The following CNBD1 variants were observed in gnomAD, a reference collection of about 807,000 sequenced individuals.
The protein encoded by CNBD1 is cyclic nucleotide binding domain containing 1, also known as cyclic nucleotide-binding domain-containing protein 1.
In CNBD1, 71 loss-of-function variants were observed where a neutral mutation model predicts 54.4. That is an observed-to-expected ratio of 1.30 (90% confidence interval 1.08 to 1.59). CNBD1 has a LOEUF of 1.59. Among genes scored for constraint, CNBD1 ranks in the 40% most tolerant of loss-of-function variants. The pLI is 0.00. For missense variants in CNBD1, 659 were observed against 518.0 expected (o/e 1.27, Z -2.64); for synonymous variants, 182 against 170.7 (o/e 1.07, Z -0.51).
chr8:87,237,558 T>A (rs1320889244), intron 6 of CNBD1, among the ~76,000 whole-genome samples: 2 of 152,138 alleles, frequency 1.3e-5, no homozygotes, highest in Non-Finnish European at 2.9e-5. Context: ...AATCAGAAAT[T>A]CTTAATTGAG....
chr8:87,021,135 A>C (rs1053080882), intron 4 of CNBD1, among the ~76,000 whole-genome samples: 5 of 152,204 alleles, frequency 3.3e-5, no homozygotes, highest in Admixed American at 6.5e-5. Flanking sequence ...ACATAAACCA[A>C]GCTGTAACCC....
intron 8 of CNBD1, among the ~76,000 whole-genome samples, chr8:87,300,634 G>T (rs1217400090): frequency 1.3e-5 from 2 of 152,036 alleles, no homozygotes; most frequent in East Asian, 3.9e-4. Flanking sequence ...AGACACAATG[G>T]ATAGTGCTTG....
intron 4 of CNBD1, among the ~76,000 whole-genome samples, chr8:87,194,230 T>C (rs1349483435): frequency 6.6e-6 from 1 of 152,156 alleles, no homozygotes; most frequent in African/African-American, 2.4e-5. Flanking sequence ...ACAGTTCTCT[T>C]GTTTTGAAAG....
At chr8:87,005,198 G>A (rs557850541) in intron 4 of CNBD1, among the ~76,000 whole-genome samples, 79 of 151,686 alleles carry the variant, frequency 5.2e-4, no homozygotes, top group Middle Eastern at 3.4e-3. Flanking sequence ...GGTGAAACCC[G>A]GTCTCTACTA....
At chr8:87,357,943 G>T (rs561867403) in intron 10 of CNBD1, among the ~76,000 whole-genome samples, 1 of 152,252 alleles carries the variant, frequency 6.6e-6, no homozygotes, top group African/African-American at 2.4e-5. Flanking sequence ...TGAGTGAGTT[G>T]TTTCTCTGTG....
chr8:87,032,159 G>A (rs968421842), intron 4 of CNBD1, among the ~76,000 whole-genome samples: 7 of 152,116 alleles, frequency 4.6e-5, no homozygotes, highest in Non-Finnish European at 8.8e-5. Flanking sequence ...TATGGATCTT[G>A]CCTAATCTAG....
chr8:86,961,412 G>A (rs1807926077), intron 4 of CNBD1, among the ~76,000 whole-genome samples: 1 of 152,216 alleles, frequency 6.6e-6, no homozygotes, highest in Non-Finnish European at 1.5e-5. Flanking sequence ...GCTTAGAACA[G>A]CAGCACAAAA....
At chr8:86,948,445 A>G (rs758812519) in intron 4 of CNBD1, among the ~76,000 whole-genome samples, 5 of 152,052 alleles carry the variant, frequency 3.3e-5, no homozygotes, top group Non-Finnish European at 7.4e-5. Context: ...TTGGATATAA[A>G]CCATTTAAAC....
chr8:86,997,351 T>C (rs1018757574), intron 4 of CNBD1, among the ~76,000 whole-genome samples: 3 of 152,182 alleles, frequency 2.0e-5, no homozygotes, highest in Admixed American at 2.0e-4. Flanking sequence ...TTCATCTTGC[T>C]CTTCAGTCCT....
intron 2 of CNBD1, among the ~76,000 whole-genome samples, chr8:86,897,205 C>T (rs1378380448): frequency 6.6e-6 from 1 of 152,138 alleles, no homozygotes; most frequent in Non-Finnish European, 1.5e-5. Flanking sequence ...TCATTTTGCA[C>T]TGGGCCCCGC....
At chr8:87,276,877 G>C (rs1205697871) in intron 6 of CNBD1, among the ~76,000 whole-genome samples, 1 of 151,740 alleles carries the variant, frequency 6.6e-6, no homozygotes, top group Admixed American at 6.6e-5. Flanking sequence ...ACCTTAGAAT[G>C]CCAGAGCACC....
intron 4 of CNBD1, among the ~76,000 whole-genome samples, chr8:87,001,940 T>C (rs1007025595): frequency 7.2e-5 from 11 of 152,222 alleles, no homozygotes; most frequent in Admixed American, 5.9e-4. Flanking sequence ...AAACTTATTG[T>C]TCTCAGTAGT....
chr8:86,878,951 G>T (rs1208089272), intron 1 of CNBD1, among the ~76,000 whole-genome samples: 1 of 152,082 alleles, frequency 6.6e-6, no homozygotes, highest in Non-Finnish European at 1.5e-5. Context: ...TGTTTGTCAT[G>T]ATGAATAGAT....
At chr8:86,910,993 T>C (rs77180501) in intron 3 of CNBD1, among the ~76,000 whole-genome samples, 3 of 152,116 alleles carry the variant, frequency 2.0e-5, no homozygotes, top group Admixed American at 2.0e-4. Context: ...TTAGGATTAG[T>C]TGTGCTGTTT....
chr8:87,257,141 G>A (rs1214319326), intron 6 of CNBD1, among the ~76,000 whole-genome samples: 1 of 151,962 alleles, frequency 6.6e-6, no homozygotes. Context: ...AGACTGAGGT[G>A]GGTGGATCAC....
At chr8:87,408,538 G>A (rs900222637) in intron 2 of CNBD1, among the ~76,000 whole-genome samples, 1 of 152,028 alleles carries the variant, frequency 6.6e-6, no homozygotes, top group African/African-American at 2.4e-5. Flanking sequence ...ACTTTGGGCT[G>A]CTTTTTTCTT....
intron 4 of CNBD1, among the ~76,000 whole-genome samples, chr8:87,119,830 TGA>T (rs1811854318): frequency 6.6e-6 from 1 of 152,146 alleles, no homozygotes; most frequent in Non-Finnish European, 1.5e-5. Flanking sequence ...CTTTATCTAT[TGA>T]GATCATCATA....
At chr8:87,111,967 T>C (rs547299855) in intron 4 of CNBD1, among the ~76,000 whole-genome samples, 51 of 152,310 alleles carry the variant, frequency 3.3e-4, no homozygotes, top group African/African-American at 1.2e-3. Context: ...CACGTACAAC[T>C]ACAGAGTTTT....
intron 4 of CNBD1, among the ~76,000 whole-genome samples, chr8:86,965,608 A>C (rs1169259683): frequency 3.3e-5 from 5 of 151,976 alleles, no homozygotes; most frequent in Non-Finnish European, 5.9e-5. Flanking sequence ...AAGCAAATTC[A>C]CTTTTACTCA....
Sources: allele counts gnomAD v4.1 joint callset (sites outside exome capture counted in the v4.1 genomes callset), GRCh38; gene constraint gnomAD v4.1.1; transcripts MANE v1.5; gene names NCBI Gene and HGNC (gene_info 2026-07-23, HGNC 2026-07-21).